The following NEK11 variants were observed in gnomAD, a reference collection of about 807,000 sequenced individuals.
NEK11 encodes serine/threonine-protein kinase Nek11.
NEK11 carries 72 observed loss-of-function variants against 80.7 expected under a neutral mutation model. That is an observed-to-expected ratio of 0.89 (90% CI 0.74 to 1.08). NEK11 has a LOEUF of 1.08. Among genes scored for constraint, NEK11 ranks in the 50% least tolerant of loss-of-function variants. The probability of loss-of-function intolerance (pLI) is 0.00; values close to 1 mark genes in which losing one functional copy is unlikely to be tolerated. For synonymous variants in NEK11, 251 were observed against 260.7 expected, an observed-to-expected ratio of 0.96 and a Z score of 0.36; for missense variants, 764 against 763.6, an observed-to-expected ratio of 1.00 and a Z score of -0.01.
chr3:131,162,371 G>A (rs1313447371), intron 10 of NEK11, 37 bp from the exon 11 acceptor site: 3 of 1,599,264 alleles, frequency 1.9e-6, no homozygotes, highest in Admixed American at 3.5e-5. Flanking sequence ...AACATGTTTG[G>A]GATGGGCTAT....
At chr3:131,309,801 A>G (rs1234518332) in intron 17 of NEK11, among the ~76,000 whole-genome samples, 2 of 151,836 alleles carry the variant, frequency 1.3e-5, no homozygotes, top group Non-Finnish European at 1.5e-5. Context: ...CCTAGACAGC[A>G]TAGCAAGAGT....
At chr3:131,345,656 A>G (rs2097351723) in intron 17 of NEK11, among the ~76,000 whole-genome samples, 1 of 152,208 alleles carries the variant, frequency 6.6e-6, no homozygotes, top group African/African-American at 2.4e-5. Context: ...TATAACTACC[A>G]ATGACCCAGC....
chr3:131,334,266 T>C (rs558780370), intron 17 of NEK11, among the ~76,000 whole-genome samples: 67 of 152,110 alleles, frequency 4.4e-4, no homozygotes, highest in Non-Finnish European at 8.4e-4. Flanking sequence ...ATAACAACTG[T>C]CTCTCAGACC....
chr3:131,270,030 T>G (rs934620976), intron 16 of NEK11, among the ~76,000 whole-genome samples: 3 of 152,176 alleles, frequency 2.0e-5, no homozygotes, highest in African/African-American at 7.2e-5. Context: ...TACTGCAATC[T>G]TCCATTCCCA....
intron 14 of NEK11, among the ~76,000 whole-genome samples, chr3:131,196,951 T>A (rs1486508363): frequency 6.6e-6 from 1 of 152,014 alleles, no homozygotes; most frequent in Non-Finnish European, 1.5e-5. Flanking sequence ...CATTGCTGGC[T>A]CCAATGCCTG....
At chr3:131,342,072 T>G (rs527676317) in intron 17 of NEK11, among the ~76,000 whole-genome samples, 2 of 152,046 alleles carry the variant, frequency 1.3e-5, no homozygotes, top group South Asian at 4.2e-4. Context: ...CTGCCCAGAG[T>G]GAACTGAGAA....
At chr3:131,049,986 G>T (rs75089254) in intron 3 of NEK11, among the ~76,000 whole-genome samples, 166 of 151,804 alleles carry the variant, frequency 1.1e-3, no homozygotes, top group Non-Finnish European at 2.1e-3. Flanking sequence ...AAATCAAAAG[G>T]CATTAATATG....
rs1048857756 is a variant in NEK11 at position 131,209,860 on chromosome 3, T to C, written c.1400-18668T>C. ...CTTTATCATTTTTTATTGTGTCTAT[T>C]TGATTCTTCTCTCTTTTCTTCTTTG... is the stretch of plus-strand genomic sequence containing the variant. On this transcript the variant is annotated intron_variant, in intron 14 of 17. Coordinates refer to ENST00000383366, the MANE Select transcript of NEK11 (RefSeq NM_024800.5). Among the ~76,000 whole-genome samples, 3 of 152,332 alleles carry C rather than the reference T, an allele frequency of 2.0e-5. No homozygotes were observed. The East Asian group carries it at 5.8e-4, about 29-fold the overall frequency.
intron 7 of NEK11, 25 bp downstream of exon 7, chr3:131,133,981 C>A (rs867242640): frequency 1.2e-5 from 18 of 1,550,664 alleles, no homozygotes; most frequent in Middle Eastern, 1.7e-4. Context: ...GGGCTAGACT[C>A]TTCATCTGCT....
chr3:131,268,959 C>T (rs932864668), intron 16 of NEK11, among the ~76,000 whole-genome samples: 2 of 152,164 alleles, frequency 1.3e-5, no homozygotes, highest in African/African-American at 4.8e-5. Context: ...TTCGGTGATG[C>T]CCTGCCCAGA....
chr3:131,073,588 A>G (rs920602687), intron 3 of NEK11, among the ~76,000 whole-genome samples: 4 of 152,192 alleles, frequency 2.6e-5, no homozygotes, highest in Non-Finnish European at 4.4e-5. Flanking sequence ...AGTAAATGGA[A>G]TTTATCTATA....
intron 12 of NEK11, among the ~76,000 whole-genome samples, chr3:131,167,089 C>T (rs1236707303): frequency 1.3e-5 from 2 of 152,160 alleles, no homozygotes; most frequent in African/African-American, 2.4e-5. Context: ...CTAGAATGCT[C>T]AGAGATGTTG....
rs568821551 is a variant in NEK11 at position 131,083,548 on chromosome 3, C to T, written c.336+2960C>T. On this transcript the variant is annotated intron_variant, in intron 4 of 17. Coordinates refer to ENST00000383366, the MANE Select transcript of NEK11 (RefSeq NM_024800.5). Reference sequence around the variant, plus strand: ...TTAACTGGCACAGGGCTGGTGTTATCCTTTTTATTAAGGTAAAATAATAGT... The same window carrying T: ...TTAACTGGCACAGGGCTGGTGTTATTCTTTTTATTAAGGTAAAATAATAGT... Among the ~76,000 whole-genome samples, 3 of 152,292 alleles carry T rather than the reference C, an allele frequency of 2.0e-5. 1 individual carries two copies. In the South Asian group the frequency reaches 6.2e-4, roughly 32 times the overall value.
At chr3:131,067,172 T>C (rs1264820091) in intron 3 of NEK11, among the ~76,000 whole-genome samples, 1 of 152,234 alleles carries the variant, frequency 6.6e-6, no homozygotes, top group Admixed American at 6.5e-5. Flanking sequence ...CAGTTTCTTA[T>C]AGCTTTTAAT....
At chr3:131,264,219 T>G (rs1463360184) in intron 16 of NEK11, among the ~76,000 whole-genome samples, 1 of 152,228 alleles carries the variant, frequency 6.6e-6, no homozygotes, top group Non-Finnish European at 1.5e-5. Context: ...TTAGTTTAAT[T>G]AGATCCCATT....
intron 14 of NEK11, among the ~76,000 whole-genome samples, chr3:131,178,470 T>A (rs1261186049): frequency 1.3e-5 from 2 of 152,220 alleles, no homozygotes; most frequent in Admixed American, 1.3e-4. Context: ...CATTTTCTAT[T>A]TTTAACATTA....
At chr3:131,044,003 C>G (rs2066941216) in intron 3 of NEK11, among the ~76,000 whole-genome samples, 1 of 152,106 alleles carries the variant, frequency 6.6e-6, no homozygotes, top group African/African-American at 2.4e-5. Flanking sequence ...AATTCCATAT[C>G]CAGCCAAACT....
At chr3:131,035,208 T>C (rs975405177) in intron 3 of NEK11, among the ~76,000 whole-genome samples, 2 of 151,946 alleles carry the variant, frequency 1.3e-5, no homozygotes, top group African/African-American at 4.8e-5. Flanking sequence ...TACATTAGAG[T>C]AGATTTTTAA....
At chr3:131,201,955 C>G (rs1421312521) in intron 14 of NEK11, among the ~76,000 whole-genome samples, 1 of 152,172 alleles carries the variant, frequency 6.6e-6, no homozygotes, top group East Asian at 1.9e-4. Context: ...CTGCCTCAGC[C>G]TCCTGAATAG....
Sources: gnomAD v4.1 joint callset for allele counts (sites outside exome capture counted in the v4.1 genomes callset) on GRCh38, gnomAD v4.1.1 for gene constraint, MANE v1.5 for transcripts, NCBI Gene and HGNC (gene_info 2026-07-23, HGNC 2026-07-21) for gene names.